Variants in TCHP observed in about 807,000 individuals in gnomAD.
The protein encoded by TCHP is trichoplein keratin filament binding.
Under a neutral mutation model 88.7 loss-of-function variants are expected in TCHP, and 81 were observed. The observed-to-expected ratio is 0.91, with a 90% CI of 0.76 to 1.10. The LOEUF (loss-of-function observed/expected upper bound fraction) is 1.10, where lower values mean the gene tolerates loss of function less well. Among genes scored for constraint, TCHP ranks in the 50% least tolerant of loss-of-function variants. The probability of loss-of-function intolerance (pLI) is 0.00; values close to 1 mark genes in which losing one functional copy is unlikely to be tolerated. For missense variants in TCHP, 641 were observed against 632.1 expected (o/e 1.01, Z -0.15); for synonymous variants, 232 against 232.5 (o/e 1.00, Z 0.02).
the TCHP span, among the ~76,000 whole-genome samples, chr12:109,886,502 G>C: frequency 2.0e-5 from 3 of 152,012 alleles, no homozygotes; most frequent in South Asian, 2.1e-4. Context: ...CTCCAAGCTA[G>C]CTTCTGTGTG....
rs1869929293 is a variant in TCHP at position 109,903,367 on chromosome 12, C to T, written c.188+153C>T. Among the ~76,000 whole-genome samples the T allele has an allele frequency of 6.6e-6, 1 of 152,150 alleles. No homozygotes were observed. The highest frequency in any genetic ancestry group is 6.5e-5 in the Admixed American group (1 of 15,274). On this transcript the variant is annotated intron_variant, in intron 2 of 12. Coordinates refer to ENST00000405876, the MANE Select transcript of TCHP (RefSeq NM_001143852.2). The surrounding 1 kb of genome is among the most constrained non-coding windows in gnomAD (Gnocchi z 4.6). ...TCCAGCTGGAAATGGAAAAAAAGATCATCAGTGCAGCCATACATTGGCATT... is the reference window on the plus strand; with the variant it reads ...TCCAGCTGGAAATGGAAAAAAAGATTATCAGTGCAGCCATACATTGGCATT...
At position 109,915,430 on chromosome 12, in the gene TCHP, G is replaced by A; in HGVS notation, c.1348G>A (p.Glu450Lys). ...QVAERRLQAW[E>K]ADQQEEEEEE... ...TGCAGAGCGCCGGCTGCAGGCATGG[G>A]AAGCAGACCAGCAGGAGGAGGAGGA... Residue 450 changes from glutamate (E) to lysine (K), a missense_variant, in exon 12 of 13, where the codon GAA becomes AAA. Glu to Lys is a moderately conservative substitution (Grantham distance 56). Transcript: ENST00000405876. The A allele has an allele frequency of 6.2e-7, 1 of 1,614,180 alleles. No individual in the cohort carries two copies. The highest frequency in any genetic ancestry group is 8.5e-7 in the Non-Finnish European group (1 of 1,180,024).
the TCHP span, among the ~76,000 whole-genome samples, chr12:109,885,824 C>T: frequency 1.3e-5 from 2 of 151,552 alleles, no homozygotes; most frequent in Non-Finnish European, 2.9e-5. Flanking sequence ...GTTACTCAGG[C>T]TGGAATGCAG....
Position 109,916,886 on chromosome 12 carries a change from A to G in TCHP, c.*263A>G. ...TACAGCGCTGCTGCATAGTCTTGTA[A>G]TATATTAACAGTCACATCAACTGAA... On this transcript the variant is annotated 3_prime_UTR_variant, in exon 13 of 13. Coordinates refer to ENST00000405876, the MANE Select transcript of TCHP (RefSeq NM_001143852.2). The G allele has an allele frequency of 4.7e-6, 2 of 429,312 alleles. No homozygotes were observed. The highest frequency in any genetic ancestry group is 4.1e-6 in the Non-Finnish European group (1 of 242,788). 26.6% of individuals were successfully genotyped at this position (429,312 alleles called of 1,614,324 possible). A position where few individuals can be genotyped will look rare whatever the true frequency, so the allele number is the denominator to read the frequency against.
chr12:109,914,678 A>T (rs766904798), intron 11 of TCHP, 51 bp downstream of exon 11: 4 of 1,510,274 alleles, frequency 2.6e-6, no homozygotes, highest in Non-Finnish European at 3.6e-6. Flanking sequence ...GGTTCTCTGC[A>T]TCATCATGGG....
chr12:109,916,437 A>G (rs1870819590), intron 12 of TCHP, among the ~76,000 whole-genome samples, 154 bp from the exon 13 acceptor site: 2 of 152,236 alleles, frequency 1.3e-5, no homozygotes, highest in South Asian at 4.1e-4. Flanking sequence ...AAAGATATCA[A>G]GTGCCTCATT....
At chr12:109,915,690 C>A in intron 12 of TCHP, 144 bp downstream of exon 12, 1 of 1,071,640 alleles carries the variant, frequency 9.3e-7, no homozygotes, top group Admixed American at 2.9e-5. Context: ...TCTTGTATTT[C>A]TCTCTTCCCT....
chr12:109,890,882 T>C, the TCHP span, among the ~76,000 whole-genome samples: 2 of 152,166 alleles, frequency 1.3e-5, no homozygotes, highest in Non-Finnish European at 2.9e-5. Flanking sequence ...TGCCAGGCAA[T>C]GTGGGGTCAA....
the TCHP span, among the ~76,000 whole-genome samples, chr12:109,881,009 T>C: frequency 3.3e-5 from 5 of 152,212 alleles, no homozygotes; most frequent in Non-Finnish European, 5.9e-5. Flanking sequence ...ACCTTATACC[T>C]GTTGAACACT....
the TCHP span, among the ~76,000 whole-genome samples, chr12:109,892,299 G>A: frequency 0.055 from 8,366 of 152,302 alleles, 344 homozygotes; most frequent in East Asian, 0.12. Context: ...TCCAAGGAAG[G>A]GACATTTACA....
At chr12:109,915,614 G>GGCCTGCTCATCGCCCCGC in intron 12 of TCHP, 68 bp downstream of exon 12, 6 of 1,514,786 alleles carry the variant, frequency 4.0e-6, no homozygotes, top group Non-Finnish European at 5.3e-6. Flanking sequence ...TGCTCCCCTG[G>GGCCTGCTCATCGCCCCGC]GCCTGCTCAT....
chr12:109,908,438 A>G (rs946671875), intron 6 of TCHP, 148 bp from the exon 7 acceptor site: 11 of 654,428 alleles, frequency 1.7e-5, no homozygotes, highest in African/African-American at 3.6e-5. Context: ...TTGGATGAGT[A>G]AGTGAGTGGT....
chr12:109,890,990 C>T, the TCHP span, among the ~76,000 whole-genome samples: 3 of 152,240 alleles, frequency 2.0e-5, no homozygotes, highest in Non-Finnish European at 4.4e-5. Flanking sequence ...GGCATTAGCA[C>T]ACAGCCTCTG....
chr12:109,904,284 T>C (rs1869998540), intron 3 of TCHP, 137 bp downstream of exon 3: 1 of 751,886 alleles, frequency 1.3e-6, no homozygotes, highest in Admixed American at 2.6e-5. Flanking sequence ...GGAAAAGAGC[T>C]TAGGTCCTTG....
At chr12:109,886,181 A>G in the TCHP span, among the ~76,000 whole-genome samples, 1 of 152,186 alleles carries the variant, frequency 6.6e-6, no homozygotes, top group African/African-American at 2.4e-5. Flanking sequence ...TCTGTCGCCC[A>G]GGCTGGAGTG....
chr12:109,907,265 G>A (rs1391401467), intron 5 of TCHP, among the ~76,000 whole-genome samples: 1 of 152,232 alleles, frequency 6.6e-6, no homozygotes, highest in Non-Finnish European at 1.5e-5. Flanking sequence ...CTGGCTTACT[G>A]TAACCCCTTT....
intron 5 of TCHP, 41 bp downstream of exon 5, chr12:109,906,681 T>C: frequency 6.5e-7 from 1 of 1,533,272 alleles, no homozygotes; most frequent in South Asian, 1.1e-5. Context: ...TATTCTGCTG[T>C]GCGAGACTGT....
At chr12:109,904,919 A>C (rs894107399) in intron 4 of TCHP, 126 bp downstream of exon 4, 1 of 795,352 alleles carries the variant, frequency 1.3e-6, no homozygotes, top group Non-Finnish European at 2.0e-6. Flanking sequence ...CCACCTGAAA[A>C]GAGCGCCAGG....
intron 9 of TCHP, among the ~76,000 whole-genome samples, chr12:109,911,967 T>C (rs1870524969): frequency 6.6e-6 from 1 of 152,038 alleles, no homozygotes; most frequent in African/African-American, 2.4e-5. Context: ...GGCTACTTTT[T>C]GTATTTTTAG....
Sources: gnomAD v4.1 joint callset for allele counts (sites outside exome capture counted in the v4.1 genomes callset) on GRCh38, gnomAD v4.1.1 for gene constraint, Gnocchi (gnomAD v3.1) non-coding constraint, MANE v1.5 for transcripts, NCBI Gene and HGNC (gene_info 2026-07-23, HGNC 2026-07-21) for gene names.